The following SH3D19 variants were observed in gnomAD, a reference collection of about 807,000 sequenced individuals.
SH3D19 encodes SH3 domain containing 19, also known as SH3 domain-containing protein 19.
SH3D19 carries 58 observed loss-of-function variants against 112.1 expected under a neutral mutation model. The observed-to-expected ratio is 0.52, with a 90% CI of 0.42 to 0.64. The LOEUF is 0.64. SH3D19 is among the 30% of genes least tolerant of loss of function. The pLI, the probability that SH3D19 is intolerant of heterozygous loss-of-function variation, is 0.00. For synonymous variants in SH3D19, 391 were observed against 448.5 expected (o/e 0.87, Z 1.62); for missense variants, 1,090 against 1,263.4 (o/e 0.86, Z 2.08).
At chr4:151,132,150 A>G (rs7659146) in intron 17 of SH3D19, among the ~76,000 whole-genome samples, 181 bp downstream of exon 17, 131,147 of 152,242 alleles carry the variant, frequency 0.86, 57,243 homozygotes, top group Non-Finnish European at 0.95. Flanking sequence ...ATCAGGGTTT[A>G]CATGTTTTTG....
At chr4:151,247,453 G>A (rs1771022479) in intron 1 of SH3D19, among the ~76,000 whole-genome samples, 1 of 152,116 alleles carries the variant, frequency 6.6e-6, no homozygotes, top group African/African-American at 2.4e-5. Context: ...AAGAGTTCTG[G>A]AGTCAGATAC....
At position 151,165,698 on chromosome 4, in the gene SH3D19, T is replaced by A; in HGVS notation, c.1535-2A>T. On this transcript the variant is annotated splice_acceptor_variant, in intron 7 of 19. Coordinates refer to ENST00000604030, the MANE Select transcript of SH3D19 (RefSeq NM_001378122.1). LOFTEE classifies it high-confidence loss of function. The stretch of plus-strand genomic sequence containing the variant: ...TTTTTGCAGGGAGCTGAAAGGGATC[T>A]AATGAAAAACATAGTTTATTTTGCA... 1.2e-6 allele frequency: 2 copies of A among 1,612,558 alleles called. No homozygotes were observed. The highest frequency in any genetic ancestry group is 1.7e-6 in the Non-Finnish European group (2 of 1,178,632).
At chr4:151,275,307 T>C (rs1773511350) in intron 1 of SH3D19, among the ~76,000 whole-genome samples, 1 of 152,132 alleles carries the variant, frequency 6.6e-6, no homozygotes. Context: ...CAGGATGGTC[T>C]CGATCTCCTG....
At chr4:151,149,010 C>T (rs1754453485) in intron 10 of SH3D19, among the ~76,000 whole-genome samples, 1 of 152,014 alleles carries the variant, frequency 6.6e-6, no homozygotes. Context: ...TGTACTCCAG[C>T]CTGGTGACAG....
chr4:151,220,420 T>G (rs1445664229), intron 2 of SH3D19, among the ~76,000 whole-genome samples: 1 of 152,226 alleles, frequency 6.6e-6, no homozygotes, highest in East Asian at 1.9e-4. Context: ...TTTGCCGCCT[T>G]CTTTTTTTGC....
At chr4:151,242,576 G>A (rs555969084) in intron 1 of SH3D19, among the ~76,000 whole-genome samples, 1 of 152,238 alleles carries the variant, frequency 6.6e-6, no homozygotes, top group Middle Eastern at 3.4e-3. Flanking sequence ...AACAGGTAGC[G>A]AAAGAAAGTA....
intron 8 of SH3D19, among the ~76,000 whole-genome samples, chr4:151,162,691 T>C (rs778232049): frequency 1.1e-4 from 17 of 150,402 alleles, no homozygotes; most frequent in Non-Finnish European, 1.9e-4. Flanking sequence ...AAATCCTGGG[T>C]TTAGGCGATT....
Position 151,318,141 on chromosome 4 carries a change from C to A in SH3D19, c.112+7100G>T, listed in dbSNP as rs536710929. Among the ~76,000 whole-genome samples the A allele has an allele frequency of 2.1e-4, 30 of 144,870 alleles. No individual in the cohort carries two copies. The East Asian group carries it at 5.7e-3, about 27-fold the overall frequency. On this transcript the variant is annotated intron_variant, in intron 1 of 19. Coordinates refer to ENST00000604030, the MANE Select transcript of SH3D19 (RefSeq NM_001378122.1). ...TGAAACCCTGTCTCTAATAAAAATA[C>A]AAAAAAAAAATTAGCCGGGCATGGT...
At chr4:151,147,792 T>G (rs1754190183) in intron 11 of SH3D19, 130 bp downstream of exon 11, 1 of 1,199,608 alleles carries the variant, frequency 8.3e-7, no homozygotes, top group African/African-American at 1.5e-5. Context: ...GGCCTACTCA[T>G]CTAAAGCACT....
At chr4:151,287,338 C>A in intron 1 of SH3D19, among the ~76,000 whole-genome samples, 1 of 55,276 alleles carries the variant, frequency 1.8e-5, no homozygotes, top group East Asian at 3.6e-4. Flanking sequence ...AAGACTCTGT[C>A]TCCAAAAAAA....
At chr4:151,154,137 T>C (rs948187620) in intron 9 of SH3D19, among the ~76,000 whole-genome samples, 3 of 134,528 alleles carry the variant, frequency 2.2e-5, no homozygotes, top group African/African-American at 3.8e-5. Flanking sequence ...GATTTTTTTT[T>C]TTTTTTTTTT....
chr4:151,190,822 T>C (rs1240298496), intron 2 of SH3D19, among the ~76,000 whole-genome samples: 1 of 152,142 alleles, frequency 6.6e-6, no homozygotes, highest in Non-Finnish European at 1.5e-5. Flanking sequence ...TACTGGGGCA[T>C]CGCCTAGTGG....
chr4:151,194,833 C>T (rs1281902745), intron 2 of SH3D19, among the ~76,000 whole-genome samples: 1 of 152,012 alleles, frequency 6.6e-6, no homozygotes, highest in East Asian at 1.9e-4. Context: ...CACCTTTAAT[C>T]CCAGCACTTT....
At chr4:151,312,397 A>G (rs185057645) in intron 1 of SH3D19, among the ~76,000 whole-genome samples, 2 of 152,340 alleles carry the variant, frequency 1.3e-5, no homozygotes, top group Admixed American at 6.5e-5. Context: ...TTAAAAATCC[A>G]GTTCCTCAGC....
intron 1 of SH3D19, among the ~76,000 whole-genome samples, chr4:151,277,579 C>A (rs1316858): frequency 0.36 from 54,893 of 151,824 alleles, 10,905 homozygotes; most frequent in Middle Eastern, 0.45. Context: ...TAAAGAAGGC[C>A]TCACTAAGAA....
chr4:151,282,558 T>C (rs1412815787), intron 1 of SH3D19: 1 of 829,912 alleles, frequency 1.2e-6, no homozygotes, highest in Non-Finnish European at 1.8e-6. Context: ...AGTTTTTAAA[T>C]AAAATATCTT....
intron 2 of SH3D19, among the ~76,000 whole-genome samples, chr4:151,207,799 G>C (rs1467811305): frequency 1.3e-5 from 2 of 152,164 alleles, no homozygotes; most frequent in African/African-American, 4.8e-5. Context: ...ACACACCCTG[G>C]CTTGAGTTGA....
intron 13 of SH3D19, among the ~76,000 whole-genome samples, chr4:151,138,536 G>A (rs1323610074): frequency 2.0e-5 from 3 of 146,744 alleles, no homozygotes; most frequent in Non-Finnish European, 4.5e-5. Flanking sequence ...ATGTCCCTAG[G>A]AAAAAAAAAA....
chr4:151,128,499 C>T, intron 17 of SH3D19, 143 bp from the exon 18 acceptor site: 4 of 526,036 alleles, frequency 7.6e-6, no homozygotes, highest in Admixed American at 8.0e-5. Context: ...TTATCTAATA[C>T]TTTATGTTGC....
Sources: allele counts gnomAD v4.1 joint callset (sites outside exome capture counted in the v4.1 genomes callset), GRCh38; gene constraint gnomAD v4.1.1; transcripts MANE v1.5; gene names NCBI Gene and HGNC (gene_info 2026-07-23, HGNC 2026-07-21).